The following RAB3C variants were observed in gnomAD, a reference collection of about 807,000 sequenced individuals.
RAB3C encodes the protein ras-related protein Rab-3C.
Under a neutral mutation model 26.4 loss-of-function variants are expected in RAB3C, and 17 were observed. The ratio of observed to expected loss-of-function variants is 0.64; its 90% CI spans 0.44 to 0.97. The LOEUF is 0.97. RAB3C is among the 50% of genes least tolerant of loss of function. The pLI is 0.00. For missense variants in RAB3C, 242 were observed against 281.9 expected (o/e 0.86, Z 1.01); for synonymous variants, 91 against 95.9 (o/e 0.95, Z 0.30).
At chr5:58,618,318 A>G (rs899807100) in intron 2 of RAB3C, among the ~76,000 whole-genome samples, 1 of 152,184 alleles carries the variant, frequency 6.6e-6, no homozygotes, top group Non-Finnish European at 1.5e-5. Context: ...TAAACAACCA[A>G]ATATAGGAAA....
intron 3 of RAB3C, among the ~76,000 whole-genome samples, chr5:58,751,651 A>G (rs531373094): frequency 2.6e-5 from 4 of 152,352 alleles, no homozygotes; most frequent in African/African-American, 7.2e-5. Context: ...TTGAAAGTAC[A>G]TTGACATCAT....
In RAB3C at chr5:58,660,542, T is replaced by G. The variant is rs118011819; in HGVS notation, c.252+42672T>G. 5.9e-3 allele frequency among the ~76,000 whole-genome samples: 882 copies of G among 150,468 alleles called. 64 individuals carry two copies. In the East Asian group the frequency reaches 0.14, roughly 24 times the overall value. The stretch of plus-strand genomic sequence containing the variant: ...ATTGTATTTTTTAAGAACAAAAATT[T>G]GGCAAATATTCTTTATTTTGATCTG... On this transcript the variant is annotated intron_variant, in intron 2 of 4. Coordinates refer to ENST00000282878, the MANE Select transcript of RAB3C (RefSeq NM_138453.4).
intron 3 of RAB3C, chr5:58,794,169 TA>T (rs1742592402): frequency 6.6e-6 from 1 of 152,182 alleles, no homozygotes; most frequent in South Asian, 2.1e-4. Context: ...CAGTGCTTTT[TA>T]CACCCTCATA....
At chr5:58,626,897 G>A (rs1423333361) in intron 2 of RAB3C, among the ~76,000 whole-genome samples, 1 of 152,142 alleles carries the variant, frequency 6.6e-6, no homozygotes, top group Non-Finnish European at 1.5e-5. Context: ...GTGTCCTGAA[G>A]TAATGATATA....
At chr5:58,717,288 T>A (rs1165825243) in intron 2 of RAB3C, among the ~76,000 whole-genome samples, 1 of 152,138 alleles carries the variant, frequency 6.6e-6, no homozygotes, top group Non-Finnish European at 1.5e-5. Flanking sequence ...AGTTTGATCC[T>A]CCCTTTCTGT....
intron 4 of RAB3C, among the ~76,000 whole-genome samples, chr5:58,829,344 G>C (rs114933937): frequency 6.6e-6 from 1 of 152,008 alleles, no homozygotes; most frequent in African/African-American, 2.4e-5. Flanking sequence ...TACAACTACT[G>C]TTTTAAATGA....
chr5:58,774,668 A>G (rs2111992249), intron 3 of RAB3C, among the ~76,000 whole-genome samples: 1 of 152,268 alleles, frequency 6.6e-6, no homozygotes, highest in African/African-American at 2.4e-5. Context: ...CTAGGGAGGG[A>G]GAGGGAGTAG....
At chr5:58,761,424 G>T (rs1007638657) in intron 3 of RAB3C, among the ~76,000 whole-genome samples, 1 of 151,746 alleles carries the variant, frequency 6.6e-6, no homozygotes, top group Non-Finnish European at 1.5e-5. Context: ...AATTTAATTT[G>T]GGGGTAACAA....
intron 2 of RAB3C, among the ~76,000 whole-genome samples, chr5:58,710,334 C>T (rs1226215169): frequency 6.6e-6 from 1 of 152,058 alleles, no homozygotes; most frequent in Non-Finnish European, 1.5e-5. Flanking sequence ...CGTGGTGGCT[C>T]ACACCTATAA....
chr5:58,778,808 T>C (rs1453126924), intron 3 of RAB3C, among the ~76,000 whole-genome samples: 2 of 152,130 alleles, frequency 1.3e-5, no homozygotes, highest in African/African-American at 4.8e-5. Context: ...CCATGTGCAC[T>C]GTATCTGACT....
At chr5:58,674,075 G>A (rs1299436629) in intron 2 of RAB3C, among the ~76,000 whole-genome samples, 1 of 152,142 alleles carries the variant, frequency 6.6e-6, no homozygotes, top group East Asian at 1.9e-4. Context: ...AGGATACAAG[G>A]TGTTGGCATT....
At chr5:58,726,493 G>C (rs1172651877) in intron 3 of RAB3C, among the ~76,000 whole-genome samples, 1 of 151,890 alleles carries the variant, frequency 6.6e-6, no homozygotes, top group Non-Finnish European at 1.5e-5. Context: ...CTGGCCCACT[G>C]CTTGTTTAGT....
In RAB3C at chr5:58,760,955, A is replaced by T. The variant is rs1328169597; in HGVS notation, c.371+34835A>T. On this transcript the variant is annotated intron_variant, in intron 3 of 4. Coordinates refer to ENST00000282878, the MANE Select transcript of RAB3C (RefSeq NM_138453.4). ...TAACGAGCATCACTTAAACATTTTAATTTCCCAAAGGAAGACAATATTTGT... is the reference window on the plus strand; with the variant it reads ...TAACGAGCATCACTTAAACATTTTATTTTCCCAAAGGAAGACAATATTTGT... 6.6e-5 allele frequency among the ~76,000 whole-genome samples: 10 copies of T among 152,156 alleles called. No homozygotes were observed. In the South Asian group the frequency reaches 1.5e-3, roughly 22 times the overall value.
intron 1 of RAB3C, among the ~76,000 whole-genome samples, chr5:58,615,841 G>GT (rs1222513485): frequency 4.6e-5 from 7 of 152,070 alleles, no homozygotes; most frequent in African/African-American, 1.7e-4. Flanking sequence ...ATACCCACGG[G>GT]TTTTTTGTTT....
At chr5:58,793,994 T>A (rs1310637696) in intron 3 of RAB3C, among the ~76,000 whole-genome samples, 3 of 152,212 alleles carry the variant, frequency 2.0e-5, no homozygotes, top group African/African-American at 7.2e-5. Context: ...TCTCCTTTCC[T>A]GAAACCATGA....
chr5:58,782,257 C>G (rs945413483), intron 3 of RAB3C, among the ~76,000 whole-genome samples: 8 of 152,098 alleles, frequency 5.3e-5, no homozygotes, highest in African/African-American at 1.9e-4. Context: ...GAAGAGAAAG[C>G]ATCCTTGACA....
At chr5:58,767,628 G>A (rs1488455423) in intron 3 of RAB3C, among the ~76,000 whole-genome samples, 2 of 152,158 alleles carry the variant, frequency 1.3e-5, no homozygotes, top group African/African-American at 4.8e-5. Flanking sequence ...CAAATCAGTT[G>A]AAGACTTGGT....
chr5:58,851,087 T>A (rs1231951176), intron 4 of RAB3C, 77 bp from the exon 5 acceptor site: 1 of 1,407,050 alleles, frequency 7.1e-7, no homozygotes, highest in African/African-American at 1.4e-5. Flanking sequence ...CTCATCACTA[T>A]TGAAAGCCAT....
At chr5:58,807,396 G>A (rs1279837021) in intron 3 of RAB3C, among the ~76,000 whole-genome samples, 2 of 152,168 alleles carry the variant, frequency 1.3e-5, no homozygotes, top group Non-Finnish European at 2.9e-5. Flanking sequence ...AACATTGAAA[G>A]CCCCATGCTA....
Sources: gnomAD v4.1 joint callset for allele counts (sites outside exome capture counted in the v4.1 genomes callset) on GRCh38, gnomAD v4.1.1 for gene constraint, MANE v1.5 for transcripts, NCBI Gene and HGNC (gene_info 2026-07-23, HGNC 2026-07-21) for gene names.